RYR2: variants seen among roughly 807,000 people sequenced by gnomAD.
RYR2 encodes the protein ryanodine receptor 2.
Under a neutral mutation model 601.1 loss-of-function variants are expected in RYR2, and 227 were observed. The observed-to-expected ratio is 0.38, with a 90% CI of 0.34 to 0.42. The LOEUF (loss-of-function observed/expected upper bound fraction) is 0.42, where lower values mean the gene tolerates loss of function less well. RYR2 is among the 10% of genes least tolerant of loss of function. RYR2 has a pLI of 1.00. For synonymous variants in RYR2, 2,223 were observed against 2,175.1 expected (o/e 1.02, Z -0.61); for missense variants, 4,646 against 6,156.5 (o/e 0.75, Z 8.21).
At chr1:237,335,751 G>A (rs1488028330) in intron 3 of RYR2, among the ~76,000 whole-genome samples, 1 of 152,080 alleles carries the variant, frequency 6.6e-6, no homozygotes, top group East Asian at 1.9e-4. Context: ...CTCTTTGATG[G>A]AGTAATAGAT....
intron 100 of RYR2, among the ~76,000 whole-genome samples, chr1:237,816,952 G>A (rs751623808): frequency 3.3e-5 from 5 of 152,076 alleles, no homozygotes; most frequent in Non-Finnish European, 7.4e-5. Context: ...CCAGAATGTT[G>A]CCACGTCCAG....
At chr1:237,389,075 C>G (rs1199524991) in intron 10 of RYR2, among the ~76,000 whole-genome samples, 2 of 152,104 alleles carry the variant, frequency 1.3e-5, no homozygotes, top group African/African-American at 4.8e-5. Context: ...CCAGGCAGAC[C>G]TAGATAATGG....
At chr1:237,170,530 G>A (rs140663739) in intron 1 of RYR2, among the ~76,000 whole-genome samples, 6 of 152,226 alleles carry the variant, frequency 3.9e-5, no homozygotes, top group East Asian at 1.9e-4. Flanking sequence ...ACGACTAAGC[G>A]GAAACAGCTT....
intron 1 of RYR2, among the ~76,000 whole-genome samples, chr1:237,077,676 G>T (rs1325318482): frequency 2.3e-4 from 34 of 148,534 alleles, no homozygotes; most frequent in Non-Finnish European, 3.0e-4. Context: ...CATTAATAAT[G>T]GGAGACTTTA....
intron 25 of RYR2, among the ~76,000 whole-genome samples, chr1:237,532,619 A>G (rs932689245): frequency 3.3e-5 from 5 of 152,160 alleles, no homozygotes; most frequent in African/African-American, 1.2e-4. Flanking sequence ...AAAAAACAAC[A>G]ACCTAGTAAT....
intron 2 of RYR2, among the ~76,000 whole-genome samples, chr1:237,315,464 G>C (rs1454334878): frequency 6.6e-6 from 1 of 151,794 alleles, no homozygotes; most frequent in Non-Finnish European, 1.5e-5. Context: ...CAGTTTAAAA[G>C]TATTTCTTAG....
At chr1:237,446,539 T>C (rs950972729) in intron 14 of RYR2, among the ~76,000 whole-genome samples, 4 of 128,104 alleles carry the variant, frequency 3.1e-5, no homozygotes, top group Non-Finnish European at 5.5e-5. Flanking sequence ...AGTAGTTGAA[T>C]TGGTAAATTT....
At chr1:237,125,875 T>C (rs1671352809) in intron 1 of RYR2, among the ~76,000 whole-genome samples, 1 of 152,234 alleles carries the variant, frequency 6.6e-6, no homozygotes, top group Non-Finnish European at 1.5e-5. Context: ...CAAAGACATG[T>C]GGCAAGAAGA....
At chr1:237,105,834 CAAAAAAA>C (rs34759459) in intron 1 of RYR2, among the ~76,000 whole-genome samples, 4 of 87,028 alleles carry the variant, frequency 4.6e-5, no homozygotes, top group African/African-American at 8.6e-5. Context: ...GACTCTGTCT[CAAAAAAA>C]AAAAAAAAAA....
chr1:237,208,673 G>T (rs544932946), intron 1 of RYR2, among the ~76,000 whole-genome samples: 4 of 151,814 alleles, frequency 2.6e-5, no homozygotes, highest in African/African-American at 4.8e-5. Flanking sequence ...GCTAATGAAC[G>T]TATTTATGAC....
chr1:237,439,517 G>A (rs1217474452), intron 12 of RYR2, among the ~76,000 whole-genome samples: 1 of 151,824 alleles, frequency 6.6e-6, no homozygotes, highest in Non-Finnish European at 1.5e-5. Context: ...GGTGGTGGGC[G>A]CCTGTCGTCC....
Position 237,700,331 on chromosome 1 carries a change from G to A in RYR2, c.9231G>A (p.Gln3077=), listed in dbSNP as rs2149031536. 1.9e-6 allele frequency: 3 copies of A among 1,599,132 alleles called. No homozygotes were observed. Among genetic ancestry groups the A allele is most frequent in the Non-Finnish European group, 2.6e-6 (3 of 1,172,348 alleles). Residue 3077 remains glutamine (Q), a synonymous_variant, in exon 65 of 105, where the codon CAG becomes CAA. Transcript: ENST00000366574. ...AGAAGACCATGGAAAACCTCAAGCA[G>A]GGCCAGTTCACTCACACCCGAAACC... ...DLEKTMENLK[Q]GQFTHTRNQP...
intron 24 of RYR2, among the ~76,000 whole-genome samples, chr1:237,518,414 C>T (rs1666772785): frequency 6.6e-6 from 1 of 151,870 alleles, no homozygotes; most frequent in African/African-American, 2.4e-5. Context: ...CCCTTCCAAT[C>T]CCCTCACTCT....
intron 1 of RYR2, among the ~76,000 whole-genome samples, chr1:237,123,303 AGAGCT>A (rs1226307744): frequency 1.3e-5 from 2 of 152,212 alleles, no homozygotes; most frequent in Non-Finnish European, 2.9e-5. Context: ...AATACTGATG[AGAGCT>A]GAGTGCTGTG....
intron 10 of RYR2, among the ~76,000 whole-genome samples, chr1:237,396,990 C>G (rs148690025): frequency 1.3e-5 from 2 of 152,030 alleles, no homozygotes; most frequent in Non-Finnish European, 2.9e-5. Context: ...TTAGGCTGGA[C>G]GCAGTGGCTC....
chr1:237,073,667 C>T (rs9428373), intron 1 of RYR2, among the ~76,000 whole-genome samples: 83,969 of 151,994 alleles, frequency 0.55, 27,084 homozygotes, highest in Non-Finnish European at 0.72. Flanking sequence ...GTCAGGAGTT[C>T]GAGACCAGCT....
In RYR2 at chr1:237,082,004, C is replaced by T. The variant is rs1337748597; in HGVS notation, c.48+39435C>T. ...TTAATGGGGAGAAGAACTTGGTGGG[C>T]AAAGACCTCTTTAGAGATGAAGGTT... On this transcript the variant is annotated intron_variant, in intron 1 of 104. Transcript: ENST00000366574. 3.0e-4 allele frequency among the ~76,000 whole-genome samples: 46 copies of T among 152,118 alleles called. 1 individual carries two copies. Among genetic ancestry groups the T allele is most frequent in the Admixed American group, 2.9e-3 (44 of 15,280 alleles).
chr1:237,777,647 C>T (rs1694772475), intron 87 of RYR2, among the ~76,000 whole-genome samples: 1 of 152,144 alleles, frequency 6.6e-6, no homozygotes, highest in African/African-American at 2.4e-5. Flanking sequence ...AAATTGGCTC[C>T]ATGAAAACAG....
intron 100 of RYR2, among the ~76,000 whole-genome samples, chr1:237,811,965 C>A (rs529996042): frequency 6.6e-6 from 1 of 152,274 alleles, no homozygotes; most frequent in African/African-American, 2.4e-5. Context: ...ATCCCAGTTA[C>A]AAATCCACAG....
Sources: allele counts gnomAD v4.1 joint callset (sites outside exome capture counted in the v4.1 genomes callset), GRCh38; gene constraint gnomAD v4.1.1; transcripts MANE v1.5; gene names NCBI Gene and HGNC (gene_info 2026-07-23, HGNC 2026-07-21).